The following CRLF3 variants were observed in gnomAD, a reference collection of about 807,000 sequenced individuals.
CRLF3 encodes cytokine receptor like factor 3.
Under a neutral mutation model 55.0 loss-of-function variants are expected in CRLF3, and 33 were observed. The observed-to-expected ratio is 0.60, with a 90% CI of 0.46 to 0.80. CRLF3 has a LOEUF of 0.80. Among genes scored for constraint, CRLF3 ranks in the 30% least tolerant of loss-of-function variants. The probability of loss-of-function intolerance (pLI) is 0.00; values close to 1 mark genes in which losing one functional copy is unlikely to be tolerated. For synonymous variants in CRLF3, 238 were observed against 196.8 expected (o/e 1.21, Z -1.75); for missense variants, 494 against 538.4 (o/e 0.92, Z 0.82).
Position 30,793,987 on chromosome 17 carries a change from C to CA in CRLF3, c.604-316dup, listed in dbSNP as rs1971864750. Among the ~76,000 whole-genome samples, 3 of 152,028 alleles carry CA rather than the reference C, an allele frequency of 2.0e-5. No homozygotes were observed. The South Asian group carries it at 6.2e-4, about 32-fold the overall frequency. ...ACAAGTAGCTGGGATTTCAGGTGCA[C>CA]ACCACCATGTCCGGCTAATTTTTTG... On this transcript the variant is annotated intron_variant, in intron 4 of 7. Transcript: ENST00000324238.
At chr17:30,814,202 A>G (rs1904711335) in intron 1 of CRLF3, among the ~76,000 whole-genome samples, 1 of 152,194 alleles carries the variant, frequency 6.6e-6, no homozygotes, top group South Asian at 2.1e-4. Flanking sequence ...GGTTGCAGTG[A>G]GCCGAGACTG....
At chr17:30,787,343 C>CT (rs1971671861) in intron 6 of CRLF3, 1 of 148,406 alleles carries the variant, frequency 6.7e-6, no homozygotes, top group South Asian at 2.3e-4. Flanking sequence ...TATTATAATC[C>CT]TAAAAAATCC....
At chr17:30,813,088 G>C (rs1197967717) in intron 1 of CRLF3, among the ~76,000 whole-genome samples, 1 of 152,098 alleles carries the variant, frequency 6.6e-6, no homozygotes, top group Non-Finnish European at 1.5e-5. Flanking sequence ...CAAATAAAAT[G>C]GTTGCTTTTT....
chr17:30,785,122 A>T (rs1252069497), intron 7 of CRLF3: 1 of 127,630 alleles, frequency 7.8e-6, no homozygotes, highest in African/African-American at 3.1e-5. Flanking sequence ...ACGGAGTCTC[A>T]CACTGTTACC....
intron 1 of CRLF3, among the ~76,000 whole-genome samples, chr17:30,819,483 C>T (rs767988562): frequency 9.9e-5 from 15 of 152,038 alleles, no homozygotes; most frequent in South Asian, 2.1e-4. Context: ...TCTCTACTTA[C>T]GTTTTTGTTT....
At chr17:30,793,969 G>C (rs1288372911) in intron 4 of CRLF3, among the ~76,000 whole-genome samples, 1 of 151,940 alleles carries the variant, frequency 6.6e-6, no homozygotes, top group Non-Finnish European at 1.5e-5. Flanking sequence ...CCCACAAGTA[G>C]CTGGGATTTC....
Position 30,785,993 on chromosome 17 carries a change from A to T in CRLF3, c.998T>A (p.Ile333Lys). The T allele has an allele frequency of 6.2e-7, 1 of 1,612,896 alleles. No individual in the cohort carries two copies. Among genetic ancestry groups the T allele is most frequent in the East Asian group, 2.2e-5 (1 of 44,872 alleles). Residue 333 changes from isoleucine (I) to lysine (K), a missense_variant, in exon 7 of 8, where the codon ATA becomes AAA. Physicochemically the swap from Ile to Lys is moderately radical, Grantham distance 102. Transcript: ENST00000324238. ...ATCCTGTTTTTCTGCACACACTCCT[A>T]TGCTATCTCTTCTGTCTGGCTGTCC... ...TVGQPDRRDS[I>K]GVCAEKQDGY...
intron 3 of CRLF3, among the ~76,000 whole-genome samples, chr17:30,797,026 A>G (rs984634193): frequency 6.6e-6 from 1 of 151,984 alleles, no homozygotes; most frequent in Admixed American, 6.6e-5. Flanking sequence ...AGCCTCCCCA[A>G]GTAGCTGGAT....
At chr17:30,788,478 G>C (rs1324361862) in intron 6 of CRLF3, among the ~76,000 whole-genome samples, 2 of 151,896 alleles carry the variant, frequency 1.3e-5, no homozygotes, top group Non-Finnish European at 2.9e-5. Context: ...CATCTAATGA[G>C]AGTGGGTCTA....
intron 1 of CRLF3, among the ~76,000 whole-genome samples, chr17:30,813,057 G>A (rs1904671898): frequency 6.6e-6 from 1 of 152,152 alleles, no homozygotes; most frequent in Non-Finnish European, 1.5e-5. Context: ...CTGAGCCCCA[G>A]TCAACTTCCA....
In CRLF3 at chr17:30,784,137, T is replaced by TGA; in HGVS notation, c.*48_*49dup. On this transcript the variant is annotated 3_prime_UTR_variant, in exon 8 of 8. Coordinates refer to ENST00000324238, the MANE Select transcript of CRLF3 (RefSeq NM_015986.4). ...TAAAGCAATTACAACTACGCTGGGCTGAGGACAGCTACGTTAGACCCTGAA... is the reference window on the plus strand; with the variant it reads ...TAAAGCAATTACAACTACGCTGGGCTGAGAGGACAGCTACGTTAGACCCTGAA... 1 of 1,555,610 alleles carries TGA rather than the reference T, an allele frequency of 6.4e-7. No homozygotes were observed. Among genetic ancestry groups the TGA allele is most frequent in the Non-Finnish European group, 8.7e-7 (1 of 1,144,232 alleles).
In CRLF3 at chr17:30,799,535, T is replaced by C. The variant is rs559782441; in HGVS notation, c.338-2137A>G. 9.5e-5 allele frequency among the ~76,000 whole-genome samples: 14 copies of C among 148,082 alleles called. No individual in the cohort carries two copies. The South Asian group carries it at 2.8e-3, about 29-fold the overall frequency. The stretch of plus-strand genomic sequence containing the variant: ...CACTATGCCCAGCCAGGATTTATCT[T>C]TTTTTTTTTTTGAGATGGAGTCTTG... On this transcript the variant is annotated intron_variant, in intron 2 of 7. Coordinates refer to ENST00000324238, the MANE Select transcript of CRLF3 (RefSeq NM_015986.4).
rs1349322918 is a variant in CRLF3, at chr17:30,824,636, C to T, written c.16G>A (p.Glu6Lys). ...TGCAACAGCAGCTCAGGCTCCAGCT[C>T]CATCGCCCCCCTCATCTGGCCGCGC... Reference protein sequence around the residue: MRGAMELEPELLLQEA... With the variant: MRGAMKLEPELLLQEA... The change falls in exon 1 of 8, where the codon GAG becomes AAG. Residue 6 changes from glutamate (E) to lysine (K), a missense_variant. Coordinates refer to ENST00000324238, the MANE Select transcript of CRLF3 (RefSeq NM_015986.4). The T allele has an allele frequency of 1.3e-6, 2 of 1,598,842 alleles. No individual in the cohort carries two copies. The highest frequency in any genetic ancestry group is 1.7e-6 in the Non-Finnish European group (2 of 1,176,916).
chr17:30,824,244 A>G (rs1597937510), intron 1 of CRLF3, among the ~76,000 whole-genome samples: 2 of 140,410 alleles, frequency 1.4e-5, no homozygotes, highest in African/African-American at 5.4e-5. Context: ...CTGGTCCCTC[A>G]CTCTCCCAAA....
chr17:30,824,574 G>A lies in CRLF3; in HGVS notation c.78C>T (p.Tyr26=). Residue 26 remains tyrosine (Y), a synonymous_variant, in exon 1 of 8, where the codon TAC becomes TAT. Coordinates refer to ENST00000324238, the MANE Select transcript of CRLF3 (RefSeq NM_015986.4). ...CAAGCCGGTGACCCAGCTCCCGCCG[G>A]TAGCTCTGCGCTGCCTCCACGTTCT... is the stretch of plus-strand genomic sequence containing the variant. ...ARENVEAAQS[Y]RRELGHRLEG... is the part of the protein sequence containing the mutation. 2.5e-6 allele frequency: 4 copies of A among 1,604,030 alleles called. No homozygotes were observed. The highest frequency in any genetic ancestry group is 1.1e-5 in the South Asian group (1 of 90,586).
At position 30,824,521 on chromosome 17, in the gene CRLF3, A is replaced by T; in HGVS notation, c.129+2T>A. 1 of 1,584,184 alleles carries T rather than the reference A, an allele frequency of 6.3e-7. No individual in the cohort carries two copies. The highest frequency in any genetic ancestry group is 8.5e-7 in the Non-Finnish European group (1 of 1,171,190). ...GCGCCCCTGTGGGTGTGGCCCTCCG[A>T]CCTGCCTCCGCGCCTCACGCAGCCC... is the stretch of plus-strand genomic sequence containing the variant. On this transcript the variant is annotated splice_donor_variant, in intron 1 of 7. Coordinates refer to ENST00000324238, the MANE Select transcript of CRLF3 (RefSeq NM_015986.4). LOFTEE classifies it high-confidence loss of function.
chr17:30,822,949 C>G (rs777602862), intron 1 of CRLF3, among the ~76,000 whole-genome samples: 5 of 152,072 alleles, frequency 3.3e-5, no homozygotes, highest in Non-Finnish European at 5.9e-5. Context: ...GAGATGAGTG[C>G]ATTGAAAGGC....
chr17:30,791,678 C>G (rs536679190), intron 6 of CRLF3, among the ~76,000 whole-genome samples: 1 of 150,256 alleles, frequency 6.7e-6, no homozygotes, highest in East Asian at 2.0e-4. Context: ...CCACCATGTC[C>G]GGCTAATTTT....
chr17:30,785,733 G>A (rs973556343), intron 7 of CRLF3, among the ~76,000 whole-genome samples, 186 bp downstream of exon 7: 2 of 150,294 alleles, frequency 1.3e-5, no homozygotes, highest in East Asian at 2.0e-4. Context: ...AGCGGGCTAC[G>A]ATCATGCCAC....
Sources: allele counts gnomAD v4.1 joint callset (sites outside exome capture counted in the v4.1 genomes callset), GRCh38; gene constraint gnomAD v4.1.1; transcripts MANE v1.5; gene names NCBI Gene and HGNC (gene_info 2026-07-23, HGNC 2026-07-21).